The following CDH4 variants were observed in gnomAD, a reference collection of about 807,000 sequenced individuals.
CDH4 encodes cadherin-4.
In CDH4, 33 loss-of-function variants were observed where a neutral mutation model predicts 86.0. The observed-to-expected ratio is 0.38, with a 90% CI of 0.29 to 0.51. The LOEUF (loss-of-function observed/expected upper bound fraction) is 0.51. Ranked by LOEUF, CDH4 falls within the 20% of genes least tolerant of loss-of-function variation. CDH4 has a pLI of 0.86. For synonymous variants in CDH4, 555 were observed against 549.4 expected (o/e 1.01, Z -0.14); for missense variants, 1,114 against 1,307.4 (o/e 0.85, Z 2.28).
chr20:61,509,215 C>A (rs1043291783), intron 2 of CDH4, among the ~76,000 whole-genome samples: 1 of 152,040 alleles, frequency 6.6e-6, no homozygotes, highest in South Asian at 2.1e-4. Flanking sequence ...TGAATGAAAT[C>A]ACCTTGTCAG....
chr20:61,855,983 C>T (rs1483121132), intron 6 of CDH4, among the ~76,000 whole-genome samples: 3 of 152,184 alleles, frequency 2.0e-5, no homozygotes, highest in South Asian at 2.1e-4. Flanking sequence ...GTCAAGCCCA[C>T]CTCGGTCACC....
chr20:61,878,641 C>T (rs529268437), intron 7 of CDH4, among the ~76,000 whole-genome samples: 1 of 152,316 alleles, frequency 6.6e-6, no homozygotes, highest in South Asian at 2.1e-4. Context: ...GAGGTCATCC[C>T]CTTGGGCCAG....
intron 15 of CDH4, among the ~76,000 whole-genome samples, chr20:61,936,192 C>T (rs1439419873): frequency 6.6e-6 from 1 of 151,934 alleles, no homozygotes; most frequent in African/African-American, 2.4e-5. Context: ...GACTGGAGAA[C>T]CATCTGCCTG....
chr20:61,344,368 C>T (rs945464955), intron 2 of CDH4, among the ~76,000 whole-genome samples: 2 of 152,174 alleles, frequency 1.3e-5, no homozygotes, highest in Non-Finnish European at 2.9e-5. Flanking sequence ...AATGACTTGG[C>T]TGGTCTGTCA....
In CDH4 at chr20:61,661,088, G is replaced by GC. The variant is rs1011983822; in HGVS notation, c.170-82475_170-82474insC. On this transcript the variant is annotated intron_variant, in intron 2 of 15. Coordinates refer to ENST00000614565, the MANE Select transcript of CDH4 (RefSeq NM_001794.5). Reference sequence around the variant, plus strand: ...CGGCATGGACAGGAGGCATGGCGGGGGGGGGGGAGACACAGTGCCAGGCTC... The same window carrying GC: ...CGGCATGGACAGGAGGCATGGCGGGGCGGGGGGGAGACACAGTGCCAGGCTC... Among the ~76,000 whole-genome samples, 4 of 144,662 alleles carry GC rather than the reference G, an allele frequency of 2.8e-5. 1 individual carries two copies. Among genetic ancestry groups the GC allele is most frequent in the African/African-American group, 5.3e-5 (2 of 37,804 alleles). The allele number at this position is 144,662 out of a possible 152,430, so 94.9% of individuals were successfully genotyped here.
At chr20:61,745,154 A>T (rs1438605194) in intron 3 of CDH4, among the ~76,000 whole-genome samples, 1 of 152,240 alleles carries the variant, frequency 6.6e-6, no homozygotes, top group Non-Finnish European at 1.5e-5. Flanking sequence ...ACTCCCTCGG[A>T]AAAGGGCCCT....
chr20:61,341,486 G>T (rs558463729), intron 2 of CDH4, among the ~76,000 whole-genome samples: 21 of 151,056 alleles, frequency 1.4e-4, no homozygotes, highest in African/African-American at 4.4e-4. Context: ...TGACCAAACT[G>T]TCAGGGCAAG....
At chr20:61,592,435 T>C (rs1437640347) in intron 2 of CDH4, among the ~76,000 whole-genome samples, 2 of 151,850 alleles carry the variant, frequency 1.3e-5, no homozygotes, top group African/African-American at 4.8e-5. Flanking sequence ...AATGGTATGG[T>C]TTTTTAAAAT....
At chr20:61,905,373 C>G (rs992669499) in intron 8 of CDH4, among the ~76,000 whole-genome samples, 1 of 152,208 alleles carries the variant, frequency 6.6e-6, no homozygotes, top group Non-Finnish European at 1.5e-5. Flanking sequence ...GCAGAGAGCG[C>G]CGCGCTCCCT....
rs771225434 is a variant in CDH4 at position 61,649,761 on chromosome 20, G to A, written c.170-93802G>A. On this transcript the variant is annotated intron_variant, in intron 2 of 15. Coordinates refer to ENST00000614565, the MANE Select transcript of CDH4 (RefSeq NM_001794.5). ...GCTTGCAAGAAGAGCATGGCGGGCC[G>A]TGAGCAGGTCTGTGATCTCTTACTC... Among the ~76,000 whole-genome samples the A allele has an allele frequency of 3.9e-5, 6 of 152,328 alleles. No homozygotes were observed. In the East Asian group the frequency reaches 9.6e-4, roughly 24 times the overall value.
rs1983897013 is a variant in CDH4, at chr20:61,873,669, G to T, written c.878-59G>T. On this transcript the variant is annotated intron_variant, in intron 6 of 15. Transcript: ENST00000614565. ...GTCGGGGGGCTCTGCCCAGGTGTGT[G>T]CGGGGGTGGCAGCCTGTGTGGCAGG... 1.2e-5 allele frequency: 18 copies of T among 1,561,456 alleles called. No homozygotes were observed. The Admixed American group carries it at 2.9e-4, about 25-fold the overall frequency.
chr20:61,430,583 G>A (rs1396467545), intron 2 of CDH4, among the ~76,000 whole-genome samples: 1 of 152,090 alleles, frequency 6.6e-6, no homozygotes, highest in Non-Finnish European at 1.5e-5. Context: ...TTCATGGGCC[G>A]CCGTGTTCTG....
chr20:61,718,578 C>T (rs1600908346), intron 2 of CDH4: 1 of 345,332 alleles, frequency 2.9e-6, no homozygotes, highest in East Asian at 7.5e-5. Flanking sequence ...ACCACCTGCA[C>T]AGGCTCACAG....
intron 2 of CDH4, among the ~76,000 whole-genome samples, chr20:61,565,971 C>A (rs376148045): frequency 7.2e-5 from 11 of 152,180 alleles, no homozygotes; most frequent in African/African-American, 2.7e-4. Context: ...GATGGGAGGA[C>A]CCTCGTCTTG....
chr20:61,740,650 G>T, intron 2 of CDH4: 2 of 152,200 alleles, frequency 1.3e-5, no homozygotes, highest in Non-Finnish European at 2.9e-5. Flanking sequence ...CACCATTTGC[G>T]TAACCGTATC....
At chr20:61,264,402 G>A (rs902435117) in intron 2 of CDH4, among the ~76,000 whole-genome samples, 1 of 151,066 alleles carries the variant, frequency 6.6e-6, no homozygotes, top group African/African-American at 2.4e-5. Flanking sequence ...ATACCTCAGT[G>A]GCTCCTTCAT....
intron 2 of CDH4, among the ~76,000 whole-genome samples, chr20:61,596,365 A>G (rs1315573924): frequency 1.3e-5 from 2 of 152,042 alleles, no homozygotes; most frequent in Non-Finnish European, 2.9e-5. Context: ...AGGGGTTACT[A>G]TTAGGATTGC....
intron 2 of CDH4, among the ~76,000 whole-genome samples, chr20:61,409,703 C>T (rs2085105556): frequency 6.6e-6 from 1 of 152,272 alleles, no homozygotes. Context: ...AACTTTTCTT[C>T]TACACTGCAC....
chr20:61,923,684 G>C lies in CDH4; in HGVS notation c.1608G>C (p.Arg536=). 6.2e-7 allele frequency: 1 copy of C among 1,613,778 alleles called. No individual in the cohort carries two copies. The change falls in exon 10 of 16, where the codon CGG becomes CGC. Residue 536 remains arginine, a synonymous_variant. Transcript: ENST00000614565. ...CGTTTTCAGCTGTGGACCCTGACCG[G>C]TTCATGCAGCAGGCTGTGAGGTGGG... ...LTTFSAVDPD[R]FMQQAVRYSK...
Sources: gnomAD v4.1 joint callset for allele counts (sites outside exome capture counted in the v4.1 genomes callset) on GRCh38, gnomAD v4.1.1 for gene constraint, MANE v1.5 for transcripts, NCBI Gene and HGNC (gene_info 2026-07-23, HGNC 2026-07-21) for gene names.